The following TAMM41 variants were observed in gnomAD, a reference collection of about 807,000 sequenced individuals.
The protein encoded by TAMM41 is TAM41 mitochondrial translocator assembly and maintenance homolog, also known as phosphatidate cytidylyltransferase, mitochondrial.
A neutral mutation model predicts 44.1 loss-of-function variants in TAMM41; 36 were observed. The observed-to-expected ratio is 0.82, with a 90% CI of 0.63 to 1.08. TAMM41 has a LOEUF of 1.08. Ranked by LOEUF, TAMM41 falls within the 50% of genes least tolerant of loss-of-function variation. The pLI is 0.00. For missense variants in TAMM41, 417 were observed against 404.3 expected (o/e 1.03, Z -0.27); for synonymous variants, 164 against 153.1 (o/e 1.07, Z -0.53).
At chr3:11,732,766 G>T in the TAMM41 span, among the ~76,000 whole-genome samples, 1 of 152,064 alleles carries the variant, frequency 6.6e-6, no homozygotes, top group East Asian at 1.9e-4. Flanking sequence ...TTTCCAGGCA[G>T]AAAGAATAGC....
chr3:11,796,351 C>T (rs1189334963), intron 7 of TAMM41, among the ~76,000 whole-genome samples: 1 of 152,106 alleles, frequency 6.6e-6, no homozygotes, highest in African/African-American at 2.4e-5. Flanking sequence ...ATTAGTATTC[C>T]CACCACCTCA....
At chr3:11,839,733 C>T (rs891226815) in intron 2 of TAMM41, among the ~76,000 whole-genome samples, 7 of 152,164 alleles carry the variant, frequency 4.6e-5, no homozygotes, top group Non-Finnish European at 7.4e-5. Flanking sequence ...CCTCCCCAGT[C>T]CAGAGCTGAA....
At chr3:11,844,571 T>G (rs549524929) in intron 1 of TAMM41, among the ~76,000 whole-genome samples, 2 of 152,200 alleles carry the variant, frequency 1.3e-5, no homozygotes, top group Non-Finnish European at 2.9e-5. Flanking sequence ...ACACAGAGCT[T>G]GTGAGTGGCA....
At chr3:11,809,424 A>T in intron 6 of TAMM41, 93 bp downstream of exon 6, 1 of 1,482,256 alleles carries the variant, frequency 6.7e-7, no homozygotes, top group Non-Finnish European at 9.2e-7. Context: ...TATCTCGCTA[A>T]ACAAAAAGGA....
In TAMM41 at chr3:11,790,581, C is replaced by T; in HGVS notation, c.938G>A (p.Gly313Asp). The change falls in exon 8 of 8, where the codon GGC becomes GAC. Residue 313 changes from glycine to aspartate, a missense_variant and splice_region_variant. Transcript: ENST00000455809. ...RQSTKGIFTA[G>D]LKKSVIYSSL... ...ACTATAAATCACTGACTTCTTCAGG[C>T]CTAAAAGAGAAAAGATGAGAAAGTA... 6.2e-7 allele frequency: 1 copy of T among 1,612,768 alleles called. No individual in the cohort carries two copies. The highest frequency in any genetic ancestry group is 8.5e-7 in the Non-Finnish European group (1 of 1,179,230).
chr3:11,774,813 C>T, the TAMM41 span, among the ~76,000 whole-genome samples: 1 of 152,020 alleles, frequency 6.6e-6, no homozygotes, highest in Non-Finnish European at 1.5e-5. Context: ...CCTAATCTGC[C>T]CTCATGACCT....
At chr3:11,789,752 T>C (rs1305594191), downstream of TAMM41, among the ~76,000 whole-genome samples, 2 of 152,220 alleles carry the variant, frequency 1.3e-5, no homozygotes, top group Non-Finnish European at 2.9e-5. Flanking sequence ...GAGTCTTCTC[T>C]GTGGCTCCCA....
At chr3:11,801,686 A>G (rs1004461945) in intron 7 of TAMM41, among the ~76,000 whole-genome samples, 1 of 152,216 alleles carries the variant, frequency 6.6e-6, no homozygotes, top group African/African-American at 2.4e-5. Context: ...TGTGGGATGC[A>G]GCAAAAGCAG....
chr3:11,744,568 A>T, the TAMM41 span, among the ~76,000 whole-genome samples: 1 of 151,794 alleles, frequency 6.6e-6, no homozygotes, highest in Non-Finnish European at 1.5e-5. Flanking sequence ...GGTGGCACGC[A>T]CCTGTAACCG....
chr3:11,775,165 C>T, the TAMM41 span, among the ~76,000 whole-genome samples: 1 of 151,940 alleles, frequency 6.6e-6, no homozygotes, highest in Non-Finnish European at 1.5e-5. Context: ...CGCGCCTGGC[C>T]TTTTTTAATA....
At chr3:11,841,934 C>T (rs187121404) in intron 2 of TAMM41, among the ~76,000 whole-genome samples, 2 of 152,290 alleles carry the variant, frequency 1.3e-5, no homozygotes, top group Admixed American at 6.5e-5. Flanking sequence ...GGATCTCAAC[C>T]GGAAAAGCAA....
chr3:11,729,532 TTCTTTCA>T, the TAMM41 span, among the ~76,000 whole-genome samples: 160 of 108,454 alleles, frequency 1.5e-3, 2 homozygotes, highest in East Asian at 4.0e-3. Flanking sequence ...TTTCTTTTCT[TTCTTTCA>T]TTTTTTTTTT....
intron 3 of TAMM41, chr3:11,833,283 C>A: frequency 1.6e-6 from 1 of 628,008 alleles, no homozygotes; most frequent in Non-Finnish European, 2.1e-6. Flanking sequence ...GAGAAAGGGG[C>A]ATTGGCTTAA....
the TAMM41 span, among the ~76,000 whole-genome samples, chr3:11,754,103 C>T: frequency 6.6e-6 from 1 of 152,146 alleles, no homozygotes; most frequent in Non-Finnish European, 1.5e-5. Flanking sequence ...GTTACTTTCA[C>T]GTGGTAACCG....
the TAMM41 span, among the ~76,000 whole-genome samples, chr3:11,757,656 C>G: frequency 2.6e-5 from 4 of 152,214 alleles, no homozygotes; most frequent in Non-Finnish European, 4.4e-5. Flanking sequence ...TGATGAACTG[C>G]CGGCCACAGA....
chr3:11,741,386 A>G, the TAMM41 span, among the ~76,000 whole-genome samples: 1 of 149,358 alleles, frequency 6.7e-6, no homozygotes, highest in Non-Finnish European at 1.5e-5. Flanking sequence ...AATCCCATTC[A>G]TGAAAGTGGA....
chr3:11,776,220 G>A, the TAMM41 span, among the ~76,000 whole-genome samples: 1,436 of 151,644 alleles, frequency 9.5e-3, 18 homozygotes, highest in African/African-American at 0.033. Flanking sequence ...GGGTTTCACC[G>A]TGTTAGCCAG....
chr3:11,827,637 A>G (rs983462667), intron 4 of TAMM41, among the ~76,000 whole-genome samples: 6 of 101,262 alleles, frequency 5.9e-5, no homozygotes, highest in African/African-American at 2.7e-4. Flanking sequence ...AGAAAAGAGG[A>G]AAAAAAAAAA....
At chr3:11,772,031 C>T in the TAMM41 span, among the ~76,000 whole-genome samples, 1 of 152,066 alleles carries the variant, frequency 6.6e-6, no homozygotes, top group Non-Finnish European at 1.5e-5. Flanking sequence ...CCCTCACCCC[C>T]TCCCACTTTT....
Sources: gnomAD v4.1 joint callset for allele counts (sites outside exome capture counted in the v4.1 genomes callset) on GRCh38, gnomAD v4.1.1 for gene constraint, MANE v1.5 for transcripts, NCBI Gene and HGNC (gene_info 2026-07-23, HGNC 2026-07-21) for gene names.